Variants in SNTB1 observed in about 807,000 individuals in gnomAD.
SNTB1 encodes syntrophin beta 1, also known as beta-1-syntrophin.
Under a neutral mutation model 48.9 loss-of-function variants are expected in SNTB1, and 36 were observed. The observed-to-expected ratio is 0.74, with a 90% CI of 0.56 to 0.97. The LOEUF (loss-of-function observed/expected upper bound fraction) is 0.97. Ranked by LOEUF, SNTB1 falls within the 50% of genes least tolerant of loss-of-function variation. The pLI is 0.00. For synonymous variants in SNTB1, 299 were observed against 294.6 expected, an observed-to-expected ratio of 1.01 and a Z score of -0.15; for missense variants, 786 against 703.4, an observed-to-expected ratio of 1.12 and a Z score of -1.33.
chr8:120,799,115 T>C (rs1043449280), intron 1 of SNTB1, among the ~76,000 whole-genome samples: 1 of 152,056 alleles, frequency 6.6e-6, no homozygotes, highest in Non-Finnish European at 1.5e-5. Flanking sequence ...TGGGACATGC[T>C]GAGCTCTAGA....
intron 1 of SNTB1, among the ~76,000 whole-genome samples, chr8:120,700,062 T>C (rs1037708415): frequency 6.6e-6 from 1 of 152,082 alleles, no homozygotes; most frequent in African/African-American, 2.4e-5. Context: ...TGTTGGAAAA[T>C]GGCAGAAGCA....
chr8:120,582,496 G>GT (rs1202437076), intron 3 of SNTB1, among the ~76,000 whole-genome samples: 1 of 152,038 alleles, frequency 6.6e-6, no homozygotes, highest in Non-Finnish European at 1.5e-5. Flanking sequence ...ACCAAAATCT[G>GT]TTTTTTTGAG....
intron 4 of SNTB1, among the ~76,000 whole-genome samples, chr8:120,555,409 A>G (rs978513491): frequency 6.6e-6 from 1 of 152,180 alleles, no homozygotes; most frequent in African/African-American, 2.4e-5. Flanking sequence ...ACTGCAGGGA[A>G]GGGCTGCTTG....
chr8:120,725,762 G>A (rs964644514), intron 1 of SNTB1, among the ~76,000 whole-genome samples: 2 of 152,164 alleles, frequency 1.3e-5, no homozygotes, highest in African/African-American at 4.8e-5. Flanking sequence ...ACATAGGGCC[G>A]AAAGGACTTT....
chr8:120,798,104 A>G (rs1311012497), intron 1 of SNTB1, among the ~76,000 whole-genome samples: 2 of 152,072 alleles, frequency 1.3e-5, no homozygotes, highest in Admixed American at 1.3e-4. Context: ...GCCCAGTTTA[A>G]CACAGGCCTC....
intron 1 of SNTB1, among the ~76,000 whole-genome samples, chr8:120,790,724 C>G (rs1415525392): frequency 6.6e-6 from 1 of 151,904 alleles, no homozygotes; most frequent in African/African-American, 2.4e-5. Context: ...CAAAACACTA[C>G]AGAAAGAAAT....
intron 2 of SNTB1, among the ~76,000 whole-genome samples, chr8:120,693,032 C>G (rs759261755): frequency 6.6e-6 from 1 of 152,164 alleles, no homozygotes; most frequent in Non-Finnish European, 1.5e-5. Flanking sequence ...AGATTCCACT[C>G]ATGGTGGAAG....
At chr8:120,644,259 C>A (rs1817244479) in intron 2 of SNTB1, among the ~76,000 whole-genome samples, 1 of 150,994 alleles carries the variant, frequency 6.6e-6, no homozygotes, top group African/African-American at 2.4e-5. Flanking sequence ...TGTGCTGCAC[C>A]CACTAACTCG....
chr8:120,772,436 G>C (rs541533458), intron 1 of SNTB1, among the ~76,000 whole-genome samples: 2 of 150,746 alleles, frequency 1.3e-5, no homozygotes. Context: ...TAGTAGAGAC[G>C]GGGTTTTACC....
At chr8:120,727,840 T>C (rs962244495) in intron 1 of SNTB1, among the ~76,000 whole-genome samples, 1 of 152,192 alleles carries the variant, frequency 6.6e-6, no homozygotes, top group African/African-American at 2.4e-5. Context: ...ATGGTCTTTT[T>C]GCTATACCAT....
intron 1 of SNTB1, among the ~76,000 whole-genome samples, chr8:120,750,159 C>T (rs1161760749): frequency 6.6e-6 from 1 of 151,030 alleles, no homozygotes; most frequent in Non-Finnish European, 1.5e-5. Context: ...TCCTTCCCTC[C>T]CTCCCTTCCT....
chr8:120,630,649 GT>G (rs1187513076), intron 3 of SNTB1, among the ~76,000 whole-genome samples: 3 of 152,126 alleles, frequency 2.0e-5, no homozygotes, highest in Non-Finnish European at 4.4e-5. Flanking sequence ...TACAGTAAAT[GT>G]TTGCTTTTGC....
chr8:120,808,556 C>A (rs889170696), intron 1 of SNTB1, among the ~76,000 whole-genome samples: 1 of 152,232 alleles, frequency 6.6e-6, no homozygotes, highest in Non-Finnish European at 1.5e-5. Context: ...AAACTAACTA[C>A]TTCCAGCGGA....
chr8:120,594,182 G>A lies in SNTB1; in HGVS notation c.997-18957C>T, dbSNP rs1381538069. ...GGGCTCAAGTGATCCTCCCCCCTCA[G>A]CCTCCTGAGTCGCTGGCACTACAGG... On this transcript the variant is annotated intron_variant, in intron 3 of 6. Transcript: ENST00000517992. 3.3e-5 allele frequency among the ~76,000 whole-genome samples: 5 copies of A among 151,998 alleles called. No homozygotes were observed. In the East Asian group the frequency reaches 9.7e-4, roughly 29 times the overall value.
At chr8:120,551,111 C>G (rs1815472095) in intron 4 of SNTB1, among the ~76,000 whole-genome samples, 1 of 152,028 alleles carries the variant, frequency 6.6e-6, no homozygotes, top group Non-Finnish European at 1.5e-5. Context: ...CAAAAATTAT[C>G]TGGACATGGT....
chr8:120,807,697 G>C (rs1238752339), intron 1 of SNTB1, among the ~76,000 whole-genome samples: 1 of 152,050 alleles, frequency 6.6e-6, no homozygotes, highest in Non-Finnish European at 1.5e-5. Context: ...CCTTTTGAGT[G>C]GCCCACACAA....
At chr8:120,779,819 C>T (rs181550947) in intron 1 of SNTB1, among the ~76,000 whole-genome samples, 3 of 152,136 alleles carry the variant, frequency 2.0e-5, no homozygotes, top group Admixed American at 2.0e-4. Context: ...AGGTATGTCA[C>T]GTTTGAGAAA....
intron 5 of SNTB1, among the ~76,000 whole-genome samples, chr8:120,545,921 T>C (rs961333730): frequency 2.6e-5 from 4 of 152,234 alleles, no homozygotes; most frequent in Non-Finnish European, 4.4e-5. Flanking sequence ...GGTACTGTTA[T>C]TCCTATTAAA....
chr8:120,605,885 A>C (rs1816506919), intron 3 of SNTB1, among the ~76,000 whole-genome samples: 2 of 152,166 alleles, frequency 1.3e-5, no homozygotes, highest in South Asian at 4.1e-4. Context: ...GCAGCCCTGC[A>C]GGTACAACAT....
Sources: allele counts gnomAD v4.1 joint callset (sites outside exome capture counted in the v4.1 genomes callset), GRCh38; gene constraint gnomAD v4.1.1; transcripts MANE v1.5; gene names NCBI Gene and HGNC (gene_info 2026-07-23, HGNC 2026-07-21).